Variants in GRM3 observed in about 807,000 individuals in gnomAD.
The protein encoded by GRM3 is metabotropic glutamate receptor 3.
In GRM3, 26 loss-of-function variants were observed where a neutral mutation model predicts 70.5. The ratio of observed to expected loss-of-function variants is 0.37; its 90% CI spans 0.27 to 0.51. The LOEUF (loss-of-function observed/expected upper bound fraction) is 0.51. GRM3 is among the 20% of genes least tolerant of loss of function. The pLI, the probability that GRM3 is intolerant of heterozygous loss-of-function variation, is 0.93. For synonymous variants in GRM3, 443 were observed against 434.9 expected (o/e 1.02, Z -0.23); for missense variants, 859 against 1,123.8 (o/e 0.76, Z 3.37).
At chr7:86,718,666 A>G (rs937558100) in intron 1 of GRM3, among the ~76,000 whole-genome samples, 4 of 152,002 alleles carry the variant, frequency 2.6e-5, no homozygotes, top group African/African-American at 4.8e-5. Context: ...GAGATGGTGT[A>G]GAGAAAAGAG....
intron 3 of GRM3, among the ~76,000 whole-genome samples, chr7:86,793,463 AC>A (rs2116586428): frequency 6.6e-6 from 1 of 152,344 alleles, no homozygotes; most frequent in Admixed American, 6.5e-5. Context: ...CTCCCCTGGA[AC>A]ATTTGTAGTT....
At chr7:86,730,398 C>T (rs1412043494) in intron 1 of GRM3, among the ~76,000 whole-genome samples, 13 of 152,174 alleles carry the variant, frequency 8.5e-5, no homozygotes, top group Admixed American at 1.3e-4. Context: ...CCAGCCTGGG[C>T]GTCAAGAGCG....
chr7:86,696,575 TA>T (rs1428716843), intron 1 of GRM3, among the ~76,000 whole-genome samples: 1 of 152,174 alleles, frequency 6.6e-6, no homozygotes. Flanking sequence ...AAATTTGTGG[TA>T]ATCTGTTAAA....
intron 3 of GRM3, among the ~76,000 whole-genome samples, chr7:86,825,630 A>T (rs1481134572): frequency 6.6e-6 from 1 of 152,226 alleles, no homozygotes; most frequent in African/African-American, 2.4e-5. Context: ...TGCCTTACCC[A>T]TGGAAATTTC....
intron 1 of GRM3, among the ~76,000 whole-genome samples, chr7:86,754,405 G>A (rs1184805162): frequency 6.6e-6 from 1 of 152,116 alleles, no homozygotes; most frequent in East Asian, 1.9e-4. Context: ...TATATCAGAT[G>A]ACTTGATTGT....
At chr7:86,832,013 C>A (rs1051584691) in intron 3 of GRM3, among the ~76,000 whole-genome samples, 5 of 152,032 alleles carry the variant, frequency 3.3e-5, no homozygotes, top group African/African-American at 7.2e-5. Context: ...TACTGACAGC[C>A]AGTGATTCAT....
At chr7:86,749,977 A>G (rs1796191820) in intron 1 of GRM3, among the ~76,000 whole-genome samples, 1 of 152,052 alleles carries the variant, frequency 6.6e-6, no homozygotes. Context: ...AGTTTTACTC[A>G]TCTATTTATA....
Position 86,853,434 on chromosome 7 carries a change from T to G in GRM3, c.2566+2890T>G, listed in dbSNP as rs938011703. 3.9e-5 allele frequency among the ~76,000 whole-genome samples: 6 copies of G among 152,338 alleles called. No individual in the cohort carries two copies. The East Asian group carries it at 1.2e-3, about 29-fold the overall frequency. Reference sequence around the variant, plus strand: ...TAGTGTCTGTTTCCTCTATTGTATATTCAGCTCAATTTATATCCATTTCCC... The same window carrying G: ...TAGTGTCTGTTTCCTCTATTGTATAGTCAGCTCAATTTATATCCATTTCCC... On this transcript the variant is annotated intron_variant, in intron 5 of 5. Coordinates refer to ENST00000361669, the MANE Select transcript of GRM3 (RefSeq NM_000840.3).
At chr7:86,696,136 G>A (rs1266773245) in intron 1 of GRM3, among the ~76,000 whole-genome samples, 1 of 152,164 alleles carries the variant, frequency 6.6e-6, no homozygotes, top group African/African-American at 2.4e-5. Context: ...TGCTCAGTCT[G>A]TCTGTAGAAG....
At chr7:86,799,710 T>C (rs983799051) in intron 3 of GRM3, among the ~76,000 whole-genome samples, 1 of 152,048 alleles carries the variant, frequency 6.6e-6, no homozygotes, top group Non-Finnish European at 1.5e-5. Context: ...GTATTTTTTT[T>C]AGTAGAGACA....
chr7:86,691,620 T>C (rs1246380197), intron 1 of GRM3, among the ~76,000 whole-genome samples: 2 of 152,184 alleles, frequency 1.3e-5, no homozygotes, highest in African/African-American at 4.8e-5. Flanking sequence ...CAGGGCCTAA[T>C]GAGAAGTGAT....
In GRM3 at chr7:86,850,544, T is replaced by G. The variant is rs1798737483; in HGVS notation, c.2566T>G (p.Ser856Ala). 4 of 1,597,790 alleles carry G rather than the reference T, an allele frequency of 2.5e-6. No individual in the cohort carries two copies. The African/African-American group carries it at 4.0e-5, about 16-fold the overall frequency. Reference protein sequence around the residue: ...VSGTGTTYSQSSASTYVPTVC... With the variant: ...VSGTGTTYSQASASTYVPTVC... ...TGGAACTGGGACCACATACTCTCAG[T>G]GTAAGTATGGAACTCAGCACTAACT... is the stretch of plus-strand genomic sequence containing the variant. Residue 856 changes from serine (S) to alanine (A), a missense_variant and splice_region_variant, in exon 5 of 6, where the codon TCC becomes GCC. Ser to Ala is a moderately conservative substitution (Grantham distance 99, BLOSUM62 1). Coordinates refer to ENST00000361669, the MANE Select transcript of GRM3 (RefSeq NM_000840.3).
At chr7:86,791,751 T>C (rs1037030460) in intron 3 of GRM3, among the ~76,000 whole-genome samples, 6 of 152,204 alleles carry the variant, frequency 3.9e-5, no homozygotes, top group Non-Finnish European at 7.3e-5. Flanking sequence ...TATGTTTCCT[T>C]TTTTTATTTC....
intron 3 of GRM3, among the ~76,000 whole-genome samples, chr7:86,806,073 T>C (rs532927857): frequency 1.3e-5 from 2 of 152,298 alleles, no homozygotes; most frequent in South Asian, 2.1e-4. Flanking sequence ...GCAAAGGACA[T>C]GAACTCATCC....
intron 1 of GRM3, among the ~76,000 whole-genome samples, chr7:86,672,335 G>C (rs979159277): frequency 6.6e-6 from 1 of 152,088 alleles, no homozygotes; most frequent in Non-Finnish European, 1.5e-5. Context: ...CCACAATTGG[G>C]ATAAGGTAGG....
At chr7:86,828,938 T>C (rs1798297285) in intron 3 of GRM3, among the ~76,000 whole-genome samples, 1 of 152,266 alleles carries the variant, frequency 6.6e-6, no homozygotes, top group African/African-American at 2.4e-5. Flanking sequence ...TCTCTTGTCA[T>C]TTCAACAACG....
At chr7:86,756,543 TTAAGTTATTTTTTCTGA>T (rs1396495829) in intron 1 of GRM3, among the ~76,000 whole-genome samples, 2 of 152,052 alleles carry the variant, frequency 1.3e-5, no homozygotes, top group African/African-American at 2.4e-5. Context: ...TGCCATTTCA[TTAAGTTATTTTTTCTGA>T]TAAGTCAGCT....
intron 3 of GRM3, among the ~76,000 whole-genome samples, chr7:86,807,415 T>C (rs1413117143): frequency 6.7e-6 from 1 of 149,016 alleles, no homozygotes; most frequent in African/African-American, 2.5e-5. Flanking sequence ...TCCTCTTTTA[T>C]TTTGTTGAGC....
At chr7:86,863,451 G>A (rs1584286165) in intron 5 of GRM3, among the ~76,000 whole-genome samples, 1 of 152,242 alleles carries the variant, frequency 6.6e-6, no homozygotes, top group East Asian at 1.9e-4. Flanking sequence ...CTGAAAGTCT[G>A]AAAGGAAAGC....
Sources: gnomAD v4.1 joint callset for allele counts (sites outside exome capture counted in the v4.1 genomes callset) on GRCh38, gnomAD v4.1.1 for gene constraint, MANE v1.5 for transcripts, NCBI Gene and HGNC (gene_info 2026-07-23, HGNC 2026-07-21) for gene names.